Variants in CHRNA4 observed in about 807,000 individuals in gnomAD.
The protein encoded by CHRNA4 is neuronal acetylcholine receptor subunit alpha-4.
A neutral mutation model predicts 48.9 loss-of-function variants in CHRNA4; 28 were observed. The ratio of observed to expected loss-of-function variants is 0.57; its 90% CI spans 0.42 to 0.79. The LOEUF (loss-of-function observed/expected upper bound fraction) is 0.79, where lower values mean the gene tolerates loss of function less well. Ranked by LOEUF, CHRNA4 falls within the 30% of genes least tolerant of loss-of-function variation. The pLI, the probability that CHRNA4 is intolerant of heterozygous loss-of-function variation, is 0.00. For missense variants in CHRNA4, 859 were observed against 898.4 expected, an observed-to-expected ratio of 0.96 and a Z score of 0.56; for synonymous variants, 425 against 402.3, an observed-to-expected ratio of 1.06 and a Z score of -0.68.
chr20:63,352,926 A>G (rs1348580467), intron 4 of CHRNA4, among the ~76,000 whole-genome samples: 1 of 141,672 alleles, frequency 7.1e-6, no homozygotes, highest in Non-Finnish European at 1.5e-5. Context: ...GGAGCCTTTG[A>G]GGAGAACCCC....
intron 4 of CHRNA4, chr20:63,355,458 G>A (rs1434569921): frequency 1.7e-6 from 2 of 1,171,544 alleles, no homozygotes; most frequent in Admixed American, 4.6e-5. Context: ...AGAAAGCAGA[G>A]GCCCTAGTGG....
At position 63,351,186 on chromosome 20, in the gene CHRNA4, T is replaced by TCA. The variant is rs1568811682; in HGVS notation, c.384-160_384-159insTG. The TCA allele has an allele frequency of 3.3e-4, 156 of 468,288 alleles. 10 individuals carry two copies. The African/African-American group carries it at 3.9e-3, about 12-fold the overall frequency. 29.0% of individuals were successfully genotyped at this position (468,288 alleles called of 1,614,324 possible). On this transcript the variant is annotated intron_variant, in intron 4 of 5. Transcript: ENST00000370263. ...ATCCACGTCCACGCCCACATCCATG[T>TCA]CCCACGCCCACATCCACACCCACGT...
At chr20:63,360,479 G>A (rs1281594847) in intron 1 of CHRNA4, among the ~76,000 whole-genome samples, 2 of 152,104 alleles carry the variant, frequency 1.3e-5, no homozygotes, top group African/African-American at 2.4e-5. Flanking sequence ...GGCATTCCCC[G>A]CCTGTCCTGG....
chr20:63,346,033 G>C lies in CHRNA4; in HGVS notation c.*705C>G, dbSNP rs1423949439. On this transcript the variant is annotated 3_prime_UTR_variant, in exon 6 of 6. Coordinates refer to ENST00000370263, the MANE Select transcript of CHRNA4 (RefSeq NM_000744.7). ...GTCCCCCGCGGAGGGCCTGCGCAGGGGAGAGCTGGTCCCGCGTGGGCCTCC... is the reference window on the plus strand; with the variant it reads ...GTCCCCCGCGGAGGGCCTGCGCAGGCGAGAGCTGGTCCCGCGTGGGCCTCC... 1 of 453,888 alleles carries C rather than the reference G, an allele frequency of 2.2e-6. No homozygotes were observed. The highest frequency in any genetic ancestry group is 2.0e-5 in the African/African-American group (1 of 50,016). The allele number at this position is 453,888 out of a possible 1,614,324, so 28.1% of individuals were successfully genotyped here. A position where few individuals can be genotyped will look rare whatever the true frequency, so the allele number is the denominator to read the frequency against.
At chr20:63,360,025 A>G (rs2068791756) in intron 1 of CHRNA4, 8 of 372,730 alleles carry the variant, frequency 2.1e-5, no homozygotes, top group South Asian at 1.9e-4. Flanking sequence ...CAGGCCCCTC[A>G]GCCCACGGAG....
chr20:63,356,963 T>G (rs1196354774), intron 2 of CHRNA4, among the ~76,000 whole-genome samples: 1 of 142,470 alleles, frequency 7.0e-6, no homozygotes, highest in Admixed American at 7.0e-5. Context: ...CCCACCTCCT[T>G]CCACATCCCC....
intron 4 of CHRNA4, 141 bp from the exon 5 acceptor site, chr20:63,351,168 T>TCC (rs11483691): frequency 3.2e-6 from 2 of 634,382 alleles, no homozygotes; most frequent in African/African-American, 4.0e-5. Flanking sequence ...CACATCCACG[T>TCC]CCACGCCCAC....
rs2145412485 is a variant in CHRNA4 at position 63,361,156 on chromosome 20, CT to C, written c.9del (p.Gly5AlafsTer37). On this transcript the variant is annotated frameshift_variant, in exon 1 of 6. Transcript: ENST00000370263. LOFTEE classifies it high-confidence loss of function. The stretch of plus-strand genomic sequence containing the variant: ...AGCAGCCGCGGCGCTCCGGGGCCCC[CT>C]AGCTCCATGGCGCACGCACCTCGCG... ME[L>X]GGPGAPRLLP... 3 of 1,481,458 alleles carry C rather than the reference CT, an allele frequency of 2.0e-6. No homozygotes were observed. The highest frequency in any genetic ancestry group is 2.7e-6 in the Non-Finnish European group (3 of 1,122,332). The allele number at this position is 1,481,458 out of a possible 1,614,324, so 91.8% of individuals were successfully genotyped here. A position where few individuals can be genotyped will look rare whatever the true frequency, so the allele number is the denominator to read the frequency against.
At chr20:63,352,638 A>C (rs939451770) in intron 4 of CHRNA4, among the ~76,000 whole-genome samples, 1 of 152,044 alleles carries the variant, frequency 6.6e-6, no homozygotes, top group Non-Finnish European at 1.5e-5. Flanking sequence ...AACGCCCTCC[A>C]CCTTCTGAGG....
chr20:63,360,987 C>T (rs2145411987), intron 1 of CHRNA4, 103 bp downstream of exon 1: 2 of 1,011,658 alleles, frequency 2.0e-6, no homozygotes, highest in South Asian at 5.3e-5. Context: ...CGCGCACCCG[C>T]GGCTTGGGAC....
chr20:63,352,275 C>T (rs1178924339), intron 4 of CHRNA4, among the ~76,000 whole-genome samples: 1 of 152,208 alleles, frequency 6.6e-6, no homozygotes, highest in Non-Finnish European at 1.5e-5. Flanking sequence ...AGGGCTGGAC[C>T]TGCACCTCAA....
chr20:63,361,216 C>T lies in CHRNA4; in HGVS notation c.-51G>A. ...ATGCGGGCGGCTCCCGGCTCCCCGC[C>T]GCTTCGAGGCCCGTGCGCGCCCAAC... On this transcript the variant is annotated 5_prime_UTR_variant, in exon 1 of 6. Coordinates refer to ENST00000370263, the MANE Select transcript of CHRNA4 (RefSeq NM_000744.7). 1 of 1,448,886 alleles carries T rather than the reference C, an allele frequency of 6.9e-7. No individual in the cohort carries two copies. Among genetic ancestry groups the T allele is most frequent in the Non-Finnish European group, 9.1e-7 (1 of 1,103,976 alleles). The allele number at this position is 1,448,886 out of a possible 1,614,324, so 89.8% of individuals were successfully genotyped here. A position where few individuals can be genotyped will look rare whatever the true frequency, so the allele number is the denominator to read the frequency against.
Position 63,359,703 on chromosome 20 carries a change from C to G in CHRNA4, c.77-4G>C. 6.2e-7 allele frequency: 1 copy of G among 1,610,162 alleles called. No individual in the cohort carries two copies. The highest frequency in any genetic ancestry group is 8.5e-7 in the Non-Finnish European group (1 of 1,179,700). ...CGGGTCTCCACATGGCTGCTGGCTGCGGGGAGAGGCAGGCCAGTGGCTCAG... is the reference window on the plus strand; with the variant it reads ...CGGGTCTCCACATGGCTGCTGGCTGGGGGGAGAGGCAGGCCAGTGGCTCAG... On this transcript the variant is annotated splice_polypyrimidine_tract_variant and splice_region_variant and intron_variant, in intron 1 of 5. Coordinates refer to ENST00000370263, the MANE Select transcript of CHRNA4 (RefSeq NM_000744.7).
At chr20:63,354,015 G>A (rs75227600) in intron 4 of CHRNA4, among the ~76,000 whole-genome samples, 5 of 106,152 alleles carry the variant, frequency 4.7e-5, no homozygotes, top group African/African-American at 7.2e-5. Context: ...GGGGGGCTGC[G>A]GTCCTAGGGG....
chr20:63,350,858 C>A lies in CHRNA4; in HGVS notation c.553G>T (p.Asp185Tyr). 2 of 1,613,924 alleles carry A rather than the reference C, an allele frequency of 1.2e-6. No individual in the cohort carries two copies. Among genetic ancestry groups the A allele is most frequent in the Non-Finnish European group, 1.7e-6 (2 of 1,179,994 alleles). Residue 185 changes from aspartate to tyrosine, a missense_variant, in exon 5 of 6, where the codon GAC (aspartate) becomes TAC (tyrosine). Coordinates refer to ENST00000370263, the MANE Select transcript of CHRNA4 (RefSeq NM_000744.7). ...TTCACCAGGTCGATCTTGGCCTTGT[C>A]GTAGGTCCAGGAGCCGAATTTCATG... ...CTMKFGSWTYDKAKIDLVNMH... is the reference protein window; with the variant it reads ...CTMKFGSWTYYKAKIDLVNMH...
chr20:63,351,635 A>G (rs1568812672), intron 4 of CHRNA4, among the ~76,000 whole-genome samples: 1 of 152,220 alleles, frequency 6.6e-6, no homozygotes, highest in East Asian at 1.9e-4. Flanking sequence ...GCATGAGGAC[A>G]CCAGGGGCCA....
chr20:63,357,266 C>T lies in CHRNA4; in HGVS notation c.229-851G>A, dbSNP rs906980330. Among the ~76,000 whole-genome samples, 5 of 151,576 alleles carry T rather than the reference C, an allele frequency of 3.3e-5. No homozygotes were observed. The East Asian group carries it at 5.9e-4, about 18-fold the overall frequency. On this transcript the variant is annotated intron_variant, in intron 2 of 5. Coordinates refer to ENST00000370263, the MANE Select transcript of CHRNA4 (RefSeq NM_000744.7). The stretch of plus-strand genomic sequence containing the variant: ...GACCACGTCCCCACAGACCATGTCT[C>T]CGTGCAGGGCCATATCTCCCCACAG...
chr20:63,361,185 C>T lies in CHRNA4; in HGVS notation c.-20G>A. The T allele has an allele frequency of 1.4e-6, 2 of 1,461,114 alleles. No individual in the cohort carries two copies. Among genetic ancestry groups the T allele is most frequent in the Non-Finnish European group, 1.8e-6 (2 of 1,109,738 alleles). The allele number at this position is 1,461,114 out of a possible 1,614,324, so 90.5% of individuals were successfully genotyped here. A position where few individuals can be genotyped will look rare whatever the true frequency, so the allele number is the denominator to read the frequency against. On this transcript the variant is annotated 5_prime_UTR_variant, in exon 1 of 6. Coordinates refer to ENST00000370263, the MANE Select transcript of CHRNA4 (RefSeq NM_000744.7). ...CTCCATGGCGCACGCACCTCGCGGG[C>T]TCTAGATGCGGGCGGCTCCCGGCTC...
At position 63,350,099 on chromosome 20, in the gene CHRNA4, C is replaced by T. The variant is rs200085096; in HGVS notation, c.1312G>A (p.Glu438Lys). The T allele has an allele frequency of 6.5e-7, 1 of 1,532,166 alleles. No individual in the cohort carries two copies. Among genetic ancestry groups the T allele is most frequent in the Non-Finnish European group, 8.8e-7 (1 of 1,137,226 alleles). 94.9% of individuals were successfully genotyped at this position (1,532,166 alleles called of 1,614,324 possible). A position where few individuals can be genotyped will look rare whatever the true frequency, so the allele number is the denominator to read the frequency against. ...QLPPQQPLEAEKASPHPSPGP... is the reference protein window; with the variant it reads ...QLPPQQPLEAKKASPHPSPGP... ...GGCGAGGGGTGGGGGCTGGCTTTCT[C>T]AGCTTCCAGGGGCTGCTGAGGAGGG... is the stretch of plus-strand genomic sequence containing the variant. The change falls in exon 5 of 6, where the codon GAG becomes AAG. Residue 438 changes from glutamate (E) to lysine (K), a missense_variant. This residue lies in a region of CHRNA4 where 478 missense variants were observed against 455.4 expected (regional missense o/e 1.05). Transcript: ENST00000370263.
Sources: allele counts gnomAD v4.1 joint callset (sites outside exome capture counted in the v4.1 genomes callset), GRCh38; gene constraint gnomAD v4.1.1; regional missense constraint gnomAD v4.1.1; transcripts MANE v1.5; gene names NCBI Gene and HGNC (gene_info 2026-07-23, HGNC 2026-07-21).